HPSE2: variants seen among roughly 807,000 people sequenced by gnomAD.
The protein encoded by HPSE2 is inactive heparanase-2.
A neutral mutation model predicts 60.5 loss-of-function variants in HPSE2; 38 were observed. That is an observed-to-expected ratio of 0.63 (90% CI 0.48 to 0.82). The LOEUF (loss-of-function observed/expected upper bound fraction) is 0.82. Among genes scored for constraint, HPSE2 ranks in the 40% least tolerant of loss-of-function variants. The probability of loss-of-function intolerance (pLI) is 0.00; values close to 1 mark genes in which losing one functional copy is unlikely to be tolerated. For missense variants in HPSE2, 713 were observed against 740.4 expected (o/e 0.96, Z 0.43); for synonymous variants, 295 against 293.2 (o/e 1.01, Z -0.06).
chr10:98,603,439 G>GTTTTT (rs58750714), intron 9 of HPSE2, among the ~76,000 whole-genome samples: 44,109 of 143,974 alleles, frequency 0.31, 8,551 homozygotes, highest in South Asian at 0.44. Flanking sequence ...CTGTTTTTTT[G>GTTTTT]TTTTTTTTTT....
rs1949564067 is a variant in HPSE2 at position 98,743,962 on chromosome 10, G to A, written c.705C>T (p.Ser235=). The change falls in exon 4 of 12, where the codon TCC becomes TCT. Residue 235 remains serine (S), a synonymous_variant. Coordinates refer to ENST00000370552, the MANE Select transcript of HPSE2 (RefSeq NM_021828.5). ...LNALRRNPNN[S]WNSSSALSLL... ...GACTCAGGGCACTAGAACTGTTCCAGGAGTTATTGGGATTACGACGCAGTG... is the reference window on the plus strand; with the variant it reads ...GACTCAGGGCACTAGAACTGTTCCAAGAGTTATTGGGATTACGACGCAGTG... 6.2e-7 allele frequency: 1 copy of A among 1,613,956 alleles called. No homozygotes were observed. Among genetic ancestry groups the A allele is most frequent in the Admixed American group, 1.7e-5 (1 of 60,006 alleles).
intron 6 of HPSE2, among the ~76,000 whole-genome samples, chr10:98,648,679 G>A (rs533013472): frequency 6.6e-6 from 1 of 151,982 alleles, no homozygotes; most frequent in Non-Finnish European, 1.5e-5. Context: ...CACAGAATTC[G>A]AGGTTACAGT....
intron 9 of HPSE2, among the ~76,000 whole-genome samples, chr10:98,562,201 C>A (rs1464638858): frequency 3.3e-5 from 5 of 152,136 alleles, no homozygotes; most frequent in African/African-American, 1.2e-4. Context: ...AGCCTAGGAG[C>A]AATAGGTTAT....
chr10:98,613,021 C>A (rs1044562226), intron 9 of HPSE2, among the ~76,000 whole-genome samples: 1 of 152,140 alleles, frequency 6.6e-6, no homozygotes, highest in Non-Finnish European at 1.5e-5. Flanking sequence ...AGTTTCTTCC[C>A]AGGCCTGGAA....
intron 5 of HPSE2, among the ~76,000 whole-genome samples, chr10:98,710,789 T>C (rs1383802730): frequency 6.6e-6 from 1 of 152,124 alleles, no homozygotes; most frequent in African/African-American, 2.4e-5. Flanking sequence ...GTTGGCAAAT[T>C]TGTACCACAT....
chr10:98,767,529 A>G lies in HPSE2; in HGVS notation c.611-23473T>C, dbSNP rs1169731082. Among the ~76,000 whole-genome samples the G allele has an allele frequency of 2.3e-5, 3 of 132,860 alleles. No homozygotes were observed. In the East Asian group the frequency reaches 8.5e-4, roughly 38 times the overall value. The allele number at this position is 132,860 out of a possible 152,430, so 87.2% of individuals were successfully genotyped here. A position where few individuals can be genotyped will look rare whatever the true frequency, so the allele number is the denominator to read the frequency against. On this transcript the variant is annotated intron_variant, in intron 3 of 11. Coordinates refer to ENST00000370552, the MANE Select transcript of HPSE2 (RefSeq NM_021828.5). Reference sequence around the variant, plus strand: ...TTATGCATATTGCACTATATATACTATATATATTATACTGTATATACATAT... The same window carrying G: ...TTATGCATATTGCACTATATATACTGTATATATTATACTGTATATACATAT...
chr10:99,309,992 C>T, the HPSE2 span, among the ~76,000 whole-genome samples: 1 of 152,220 alleles, frequency 6.6e-6, no homozygotes, highest in Non-Finnish European at 1.5e-5. Flanking sequence ...AAGTGGACCA[C>T]ACTCCCTCCA....
chr10:99,231,779 G>A (rs1849653089), intron 2 of HPSE2, among the ~76,000 whole-genome samples: 1 of 152,064 alleles, frequency 6.6e-6, no homozygotes, highest in Non-Finnish European at 1.5e-5. Context: ...CTCAACAAGG[G>A]ACCAATTTAA....
At chr10:98,759,948 C>G in intron 3 of HPSE2, among the ~76,000 whole-genome samples, 1 of 151,740 alleles carries the variant, frequency 6.6e-6, no homozygotes, top group East Asian at 1.9e-4. Context: ...TTATTTGTAT[C>G]TTATTTATTT....
At chr10:98,973,489 G>T (rs1291398046) in intron 3 of HPSE2, among the ~76,000 whole-genome samples, 1 of 152,150 alleles carries the variant, frequency 6.6e-6, no homozygotes, top group African/African-American at 2.4e-5. Flanking sequence ...AATCCTCAAA[G>T]AATTTCCTGC....
chr10:99,219,336 A>G (rs1849235794), intron 2 of HPSE2, among the ~76,000 whole-genome samples: 1 of 152,156 alleles, frequency 6.6e-6, no homozygotes, highest in African/African-American at 2.4e-5. Context: ...AGTCTCCAAG[A>G]ATGTCATTCT....
chr10:99,282,744 T>C, the HPSE2 span, among the ~76,000 whole-genome samples: 3 of 152,118 alleles, frequency 2.0e-5, no homozygotes, highest in Non-Finnish European at 2.9e-5. Flanking sequence ...AAATAGCACA[T>C]GCTTAAACAA....
chr10:98,968,783 G>C (rs1295678836), intron 3 of HPSE2, among the ~76,000 whole-genome samples: 1 of 152,096 alleles, frequency 6.6e-6, no homozygotes, highest in Non-Finnish European at 1.5e-5. Flanking sequence ...CTTATATGTG[G>C]GAGCTAAGCT....
chr10:98,970,022 C>CGT (rs1475438588), intron 3 of HPSE2, among the ~76,000 whole-genome samples: 2 of 151,322 alleles, frequency 1.3e-5, no homozygotes, highest in Non-Finnish European at 2.9e-5. Flanking sequence ...AGTGCAATGG[C>CGT]GTGATCTCAG....
At chr10:98,963,368 TAG>T (rs1467676709) in intron 3 of HPSE2, among the ~76,000 whole-genome samples, 35 of 152,278 alleles carry the variant, frequency 2.3e-4, no homozygotes, top group African/African-American at 8.2e-4. Flanking sequence ...ATTCATATTT[TAG>T]AGTGTTTTCT....
chr10:99,067,026 C>G (rs532808463), intron 3 of HPSE2, among the ~76,000 whole-genome samples: 1 of 152,162 alleles, frequency 6.6e-6, no homozygotes, highest in South Asian at 2.1e-4. Flanking sequence ...CTGGCCAAAA[C>G]GAAGGAGCTA....
At chr10:98,684,717 T>G (rs1018503432) in intron 6 of HPSE2, among the ~76,000 whole-genome samples, 3 of 152,068 alleles carry the variant, frequency 2.0e-5, no homozygotes, top group Admixed American at 1.3e-4. Context: ...TGCCTAACAC[T>G]GTGAAGGTTG....
chr10:99,046,212 C>G (rs1957851357), intron 3 of HPSE2, among the ~76,000 whole-genome samples: 1 of 152,022 alleles, frequency 6.6e-6, no homozygotes, highest in African/African-American at 2.4e-5. Context: ...ACCACATTAA[C>G]AGAATTAAAA....
intron 6 of HPSE2, among the ~76,000 whole-genome samples, chr10:98,651,614 A>G (rs1946917760): frequency 6.6e-6 from 1 of 152,052 alleles, no homozygotes; most frequent in South Asian, 2.1e-4. Context: ...TGGTTATCTA[A>G]CCAAAAAGAG....
Sources: gnomAD v4.1 joint callset for allele counts (sites outside exome capture counted in the v4.1 genomes callset) on GRCh38, gnomAD v4.1.1 for gene constraint, MANE v1.5 for transcripts, NCBI Gene and HGNC (gene_info 2026-07-23, HGNC 2026-07-21) for gene names.